Variants in SPTLC2 observed in about 807,000 individuals in gnomAD.
The protein encoded by SPTLC2 is serine palmitoyltransferase 2.
A neutral mutation model predicts 62.0 loss-of-function variants in SPTLC2; 21 were observed. The observed-to-expected ratio is 0.34, with a 90% CI of 0.24 to 0.49. The LOEUF (loss-of-function observed/expected upper bound fraction) is 0.49. Ranked by LOEUF, SPTLC2 falls within the 20% of genes least tolerant of loss-of-function variation. The probability of loss-of-function intolerance (pLI) is 0.99; values close to 1 mark genes in which losing one functional copy is unlikely to be tolerated. For synonymous variants in SPTLC2, 261 were observed against 261.8 expected (o/e 1.00, Z 0.03); for missense variants, 511 against 713.0 (o/e 0.72, Z 3.23).
chr14:77,523,473 C>G (rs1370923471), intron 9 of SPTLC2, among the ~76,000 whole-genome samples: 5 of 152,182 alleles, frequency 3.3e-5, no homozygotes, highest in South Asian at 4.1e-4. Flanking sequence ...TGTACAGGAG[C>G]AGGGAGGTGG....
intron 9 of SPTLC2, among the ~76,000 whole-genome samples, chr14:77,523,257 G>A (rs1041413509): frequency 2.0e-5 from 3 of 152,186 alleles, no homozygotes; most frequent in African/African-American, 7.2e-5. Context: ...TAAACAATAG[G>A]AAACTGGACA....
intron 7 of SPTLC2, among the ~76,000 whole-genome samples, chr14:77,556,336 C>T (rs2079583800): frequency 8.1e-6 from 1 of 123,032 alleles, no homozygotes; most frequent in Admixed American, 8.8e-5. Flanking sequence ...CCCAAACCAC[C>T]AAAAAACAAA....
At chr14:77,556,627 G>A (rs930471861) in intron 7 of SPTLC2, among the ~76,000 whole-genome samples, 1 of 152,160 alleles carries the variant, frequency 6.6e-6, no homozygotes, top group African/African-American at 2.4e-5. Flanking sequence ...TCCTGGCCTC[G>A]AGCGACCTCC....
intron 9 of SPTLC2, among the ~76,000 whole-genome samples, chr14:77,551,003 C>T (rs1411532973): frequency 1.3e-5 from 2 of 151,700 alleles, no homozygotes; most frequent in Admixed American, 1.3e-4. Flanking sequence ...CCAAATCAAT[C>T]TTACAATAAA....
At chr14:77,578,443 G>A (rs923762957) in intron 3 of SPTLC2, among the ~76,000 whole-genome samples, 12 of 151,736 alleles carry the variant, frequency 7.9e-5, no homozygotes, top group African/African-American at 1.5e-4. Flanking sequence ...CAGGCTGGGC[G>A]CGGTGACTCA....
intron 9 of SPTLC2, among the ~76,000 whole-genome samples, chr14:77,538,409 C>A (rs188987928): frequency 1.6e-3 from 246 of 152,264 alleles, no homozygotes; most frequent in Admixed American, 4.2e-3. Context: ...AGAATAGGCA[C>A]AGAGATATGC....
chr14:77,616,430 C>T lies in SPTLC2; in HGVS notation c.132+18G>A. ...GTCCACACCGCCACCCCGGCCCCGC[C>T]GCGCGGGCCCCTCGTACCTGGCCGG... On this transcript the variant is annotated intron_variant, in intron 1 of 11. Transcript: ENST00000216484. 2.1e-6 allele frequency: 3 copies of T among 1,411,850 alleles called. No individual in the cohort carries two copies. Among genetic ancestry groups the T allele is most frequent in the Admixed American group, 3.0e-5 (1 of 33,458 alleles). The allele number at this position is 1,411,850 out of a possible 1,614,324, so 87.5% of individuals were successfully genotyped here. A position where few individuals can be genotyped will look rare whatever the true frequency, so the allele number is the denominator to read the frequency against.
At position 77,616,543 on chromosome 14, in the gene SPTLC2, T is replaced by TGAG; in HGVS notation, c.36_37insCTC (p.Arg12_Thr13insLeu). 5 of 1,535,994 alleles carry TGAG rather than the reference T, an allele frequency of 3.3e-6. No homozygotes were observed. Among genetic ancestry groups the TGAG allele is most frequent in the Non-Finnish European group, 4.4e-6 (5 of 1,146,736 alleles). ...GCCACGCAGCCATTCGCCCGCACCG[T>TGAG]GCGGCGGCAGCAGCAGCCTCCGGGC... On this transcript the variant is annotated inframe_insertion, in exon 1 of 12. Coordinates refer to ENST00000216484, the MANE Select transcript of SPTLC2 (RefSeq NM_004863.4).
chr14:77,611,159 C>T (rs977445634), intron 1 of SPTLC2, among the ~76,000 whole-genome samples: 6 of 139,636 alleles, frequency 4.3e-5, no homozygotes, highest in East Asian at 4.1e-4. Flanking sequence ...AAAAATTAGC[C>T]GGGTGTGTTG....
At chr14:77,570,264 A>C in intron 5 of SPTLC2, 120 bp downstream of exon 5, 1 of 1,288,068 alleles carries the variant, frequency 7.8e-7, no homozygotes, top group South Asian at 1.3e-5. Context: ...TGGTAGAAAT[A>C]TCTTTGGCTA....
intron 10 of SPTLC2, among the ~76,000 whole-genome samples, chr14:77,520,068 C>T (rs773516648): frequency 1.6e-4 from 25 of 151,998 alleles, no homozygotes; most frequent in Non-Finnish European, 2.6e-4. Context: ...GGGTCCTGTA[C>T]CTTCTCTAAA....
chr14:77,602,198 C>G (rs1013270971), intron 1 of SPTLC2, among the ~76,000 whole-genome samples: 1 of 152,232 alleles, frequency 6.6e-6, no homozygotes, highest in Admixed American at 6.5e-5. Flanking sequence ...CTCAAGTCTA[C>G]ACTGCAATCC....
At chr14:77,518,201 G>C in intron 10 of SPTLC2, 34 bp from the exon 11 acceptor site, 1 of 1,613,664 alleles carries the variant, frequency 6.2e-7, no homozygotes, top group Non-Finnish European at 8.5e-7. Context: ...GAAACCAGGA[G>C]GAGTGAAAAA....
chr14:77,573,140 G>A (rs1258611325), intron 4 of SPTLC2, among the ~76,000 whole-genome samples: 2 of 152,146 alleles, frequency 1.3e-5, no homozygotes, highest in East Asian at 3.9e-4. Context: ...TTAATCTCAT[G>A]GAGGTAGCGA....
intron 8 of SPTLC2, 117 bp downstream of exon 8, chr14:77,555,183 A>G: frequency 8.6e-7 from 1 of 1,167,534 alleles, no homozygotes; most frequent in Non-Finnish European, 1.3e-6. Context: ...TTATGAGCCT[A>G]AACCAGAGGC....
intron 2 of SPTLC2, among the ~76,000 whole-genome samples, chr14:77,593,204 T>C (rs1320489837): frequency 6.6e-6 from 1 of 152,190 alleles, no homozygotes; most frequent in African/African-American, 2.4e-5. Flanking sequence ...GGAGGCAAAA[T>C]GTTAGTTTAA....
intron 9 of SPTLC2, among the ~76,000 whole-genome samples, chr14:77,543,394 C>T (rs933964167): frequency 6.6e-6 from 1 of 152,066 alleles, no homozygotes; most frequent in Non-Finnish European, 1.5e-5. Flanking sequence ...AGATAAGGAA[C>T]GTAAACACTG....
At chr14:77,594,845 TAA>T (rs10565854) in intron 2 of SPTLC2, among the ~76,000 whole-genome samples, 24,621 of 152,056 alleles carry the variant, frequency 0.16, 2,415 homozygotes, top group East Asian at 0.41. Flanking sequence ...TCCCTGCAGA[TAA>T]AGAGTTTTTA....
intron 9 of SPTLC2, among the ~76,000 whole-genome samples, chr14:77,545,077 T>C (rs1361621854): frequency 6.6e-6 from 1 of 152,094 alleles, no homozygotes; most frequent in Admixed American, 6.6e-5. Context: ...AAGTCTGTCT[T>C]ATCATGTTTC....
Sources: gnomAD v4.1 joint callset for allele counts (sites outside exome capture counted in the v4.1 genomes callset) on GRCh38, gnomAD v4.1.1 for gene constraint, MANE v1.5 for transcripts, NCBI Gene and HGNC (gene_info 2026-07-23, HGNC 2026-07-21) for gene names.